The following DOCK10 variants were observed in gnomAD, a reference collection of about 807,000 sequenced individuals.
DOCK10 encodes dedicator of cytokinesis protein 10.
Under a neutral mutation model 280.1 loss-of-function variants are expected in DOCK10, and 145 were observed. The observed-to-expected ratio is 0.52, with a 90% CI of 0.45 to 0.59. The LOEUF (loss-of-function observed/expected upper bound fraction) is 0.59, where lower values mean the gene tolerates loss of function less well. DOCK10 is among the 20% of genes least tolerant of loss of function. The pLI, the probability that DOCK10 is intolerant of heterozygous loss-of-function variation, is 0.00. For synonymous variants in DOCK10, 915 were observed against 942.2 expected, an observed-to-expected ratio of 0.97 and a Z score of 0.53; for missense variants, 2,368 against 2,651.7, an observed-to-expected ratio of 0.89 and a Z score of 2.35.
rs185943233 is a variant in DOCK10, at chr2:224,990,632, T to C, written c.123+51620A>G. On this transcript the variant is annotated intron_variant, in intron 1 of 55. Coordinates refer to ENST00000258390, the MANE Select transcript of DOCK10 (RefSeq NM_014689.3). The stretch of plus-strand genomic sequence containing the variant: ...TGTTGTTGTTGTTTTTAAATCTCCT[T>C]ACTCTTCTTTTCCCGGAGACACATA... 4.8e-3 allele frequency among the ~76,000 whole-genome samples: 728 copies of C among 152,286 alleles called. 3 individuals carry two copies. The highest frequency in any genetic ancestry group is 0.017 in the African/African-American group (686 of 41,548).
intron 3 of DOCK10, among the ~76,000 whole-genome samples, chr2:224,913,506 G>T (rs1245515986): frequency 1.3e-5 from 2 of 152,158 alleles, no homozygotes; most frequent in Non-Finnish European, 1.5e-5. Flanking sequence ...GTGAGTGTGT[G>T]TGAGTGTGTG....
intron 4 of DOCK10, among the ~76,000 whole-genome samples, chr2:224,896,063 C>T (rs1479443067): frequency 2.0e-5 from 3 of 152,056 alleles, no homozygotes; most frequent in Non-Finnish European, 4.4e-5. Context: ...AACGTCAAAA[C>T]TACATTAAAA....
At chr2:224,837,637 C>CTG (rs1367701890) in intron 25 of DOCK10, 125 bp downstream of exon 25, 6 of 714,694 alleles carry the variant, frequency 8.4e-6, no homozygotes, top group Middle Eastern at 2.4e-4. Flanking sequence ...AGGCAAATTC[C>CTG]TGATATTACT....
intron 1 of DOCK10, among the ~76,000 whole-genome samples, chr2:224,971,363 T>C (rs751090938): frequency 6.6e-6 from 1 of 151,716 alleles, no homozygotes; most frequent in Non-Finnish European, 1.5e-5. Flanking sequence ...CATGGCCAGA[T>C]TGCAGGTGAA....
intron 3 of DOCK10, among the ~76,000 whole-genome samples, chr2:224,916,209 A>G (rs1440228700): frequency 6.6e-6 from 1 of 152,232 alleles, no homozygotes; most frequent in Non-Finnish European, 1.5e-5. Flanking sequence ...CAGCCTAGCC[A>G]ATATGGTGAA....
intron 3 of DOCK10, among the ~76,000 whole-genome samples, chr2:224,910,557 T>C (rs963340852): frequency 6.6e-6 from 1 of 152,120 alleles, no homozygotes; most frequent in Non-Finnish European, 1.5e-5. Context: ...TATTAAAAGG[T>C]GATAATGATG....
At position 224,823,549 on chromosome 2, in the gene DOCK10, T is replaced by G. The variant is rs777151520; in HGVS notation, c.3135A>C (p.Ala1045=). 1.2e-6 allele frequency: 2 copies of G among 1,609,758 alleles called. No individual in the cohort carries two copies. The highest frequency in any genetic ancestry group is 8.5e-7 in the Non-Finnish European group (1 of 1,178,764). The change falls in exon 28 of 56, where the codon GCA becomes GCC. Residue 1045 remains alanine (A), a synonymous_variant. Coordinates refer to ENST00000258390, the MANE Select transcript of DOCK10 (RefSeq NM_014689.3). The stretch of plus-strand genomic sequence containing the variant: ...GGTTTGCCCTTCTTGTTTCTTCAAG[T>G]GCATCCTTGTATTTCCAAATCACAT... ...SDHVIWKYKD[A]LEETRRANHS... is the part of the protein sequence containing the mutation.
chr2:224,792,862 TGAGA>T, intron 47 of DOCK10, 108 bp downstream of exon 47: 3 of 793,678 alleles, frequency 3.8e-6, no homozygotes, highest in East Asian at 2.6e-5. Context: ...TGGGTAGATC[TGAGA>T]CAGTTTTTGC....
chr2:224,874,391 A>G lies in DOCK10; in HGVS notation c.1018-42T>C, dbSNP rs753582327. 3.4e-6 allele frequency: 5 copies of G among 1,484,324 alleles called. No homozygotes were observed. The South Asian group carries it at 5.9e-5, about 17-fold the overall frequency. 91.9% of individuals were successfully genotyped at this position (1,484,324 alleles called of 1,614,324 possible). A position where few individuals can be genotyped will look rare whatever the true frequency, so the allele number is the denominator to read the frequency against. ...GTTAGTCCTTGGTATCTAAATATCCAGATACAGCCCCTGACACATCCACAT... is the reference window on the plus strand; with the variant it reads ...GTTAGTCCTTGGTATCTAAATATCCGGATACAGCCCCTGACACATCCACAT... On this transcript the variant is annotated intron_variant, in intron 9 of 55. Transcript: ENST00000258390.
At chr2:224,971,210 T>C (rs1042612712) in intron 1 of DOCK10, among the ~76,000 whole-genome samples, 2 of 152,134 alleles carry the variant, frequency 1.3e-5, no homozygotes, top group African/African-American at 4.8e-5. Context: ...CACTGTATTA[T>C]TGGATATTGA....
At chr2:225,034,840 T>C (rs1190128022) in intron 1 of DOCK10, among the ~76,000 whole-genome samples, 1 of 152,084 alleles carries the variant, frequency 6.6e-6, no homozygotes, top group African/African-American at 2.4e-5. Context: ...GTGTTGAGGG[T>C]GGGGAGCCTG....
At chr2:224,962,297 G>A (rs752101152) in intron 1 of DOCK10, among the ~76,000 whole-genome samples, 3 of 152,160 alleles carry the variant, frequency 2.0e-5, no homozygotes, top group East Asian at 1.9e-4. Context: ...TTGGGTTCAC[G>A]GGGTTTCTGT....
At chr2:224,809,657 A>G (rs1044418882) in intron 31 of DOCK10, among the ~76,000 whole-genome samples, 6 of 152,130 alleles carry the variant, frequency 3.9e-5, no homozygotes. Context: ...ACCACAATGC[A>G]CTATTACCTC....
intron 1 of DOCK10, among the ~76,000 whole-genome samples, chr2:224,982,016 CAAG>C (rs1280302050): frequency 1.3e-5 from 2 of 152,120 alleles, no homozygotes; most frequent in East Asian, 1.9e-4. Context: ...ATGACAGATA[CAAG>C]AAGAAGAAAA....
chr2:225,026,201 C>T (rs191562850), intron 1 of DOCK10, among the ~76,000 whole-genome samples: 4 of 152,216 alleles, frequency 2.6e-5, no homozygotes, highest in Admixed American at 2.6e-4. Flanking sequence ...AAAGAGAATA[C>T]TAGAAAGTGA....
intron 55 of DOCK10, chr2:224,769,010 T>A: frequency 2.3e-6 from 1 of 441,038 alleles, no homozygotes; most frequent in Non-Finnish European, 4.5e-6. Flanking sequence ...TGATTTACAG[T>A]TGGAGACAAG....
rs146526088 is a variant in DOCK10, at chr2:224,977,097, C to G, written c.124-45429G>C. 5.5e-3 allele frequency among the ~76,000 whole-genome samples: 835 copies of G among 152,310 alleles called. 7 individuals are homozygous for G. The highest frequency in any genetic ancestry group is 0.019 in the African/African-American group (774 of 41,576). On this transcript the variant is annotated intron_variant, in intron 1 of 55. Transcript: ENST00000258390. ...CACAGAAGAGATTTCACCTTCCCAA[C>G]TCACCGCAAATTTAGGCTATTGTTA...
intron 1 of DOCK10, among the ~76,000 whole-genome samples, chr2:225,000,653 G>C (rs1366877303): frequency 6.6e-6 from 1 of 152,172 alleles, no homozygotes; most frequent in Admixed American, 6.5e-5. Context: ...CTTTCCCTCA[G>C]AGAAAGGTTG....
chr2:224,805,416 A>G lies in DOCK10; in HGVS notation c.3928T>C (p.Cys1310Arg). Reference sequence around the variant, plus strand: ...TGAGAGGGAAGTCATACCTTTTCACAGTTGTCCGTCTTCTCACTGCTCTTC... The same window carrying G: ...TGAGAGGGAAGTCATACCTTTTCACGGTTGTCCGTCTTCTCACTGCTCTTC... ...NEKSSEKTDN[C>R]EKIPRPLSLI... The change falls in exon 35 of 56, where the codon TGT becomes CGT. Residue 1310 changes from cysteine to arginine, a missense_variant. Around this residue, in one of 2 missense-constraint regions of DOCK10, gnomAD observed 1,159 missense variants for 1,400.8 expected, o/e 0.83. Coordinates refer to ENST00000258390, the MANE Select transcript of DOCK10 (RefSeq NM_014689.3). This position sits in a 1 kb window ranked among gnomAD's most constrained non-coding sequence, Gnocchi z 4.3. 6.2e-7 allele frequency: 1 copy of G among 1,612,790 alleles called. No individual in the cohort carries two copies. The highest frequency in any genetic ancestry group is 8.5e-7 in the Non-Finnish European group (1 of 1,179,168).
Sources: gnomAD v4.1 joint callset for allele counts (sites outside exome capture counted in the v4.1 genomes callset) on GRCh38, gnomAD v4.1.1 for gene constraint, gnomAD v4.1.1 regional missense constraint, Gnocchi (gnomAD v3.1) non-coding constraint, MANE v1.5 for transcripts, NCBI Gene and HGNC (gene_info 2026-07-23, HGNC 2026-07-21) for gene names.